Variants in GPR26 observed in about 807,000 individuals in gnomAD.
GPR26 encodes G protein-coupled receptor 26.
GPR26 carries 15 observed loss-of-function variants against 23.1 expected under a neutral mutation model. That is an observed-to-expected ratio of 0.65 (90% CI 0.43 to 1.00). The LOEUF (loss-of-function observed/expected upper bound fraction) is 1.00, where lower values mean the gene tolerates loss of function less well. Among genes scored for constraint, GPR26 ranks in the 50% least tolerant of loss-of-function variants. The pLI, the probability that GPR26 is intolerant of heterozygous loss-of-function variation, is 0.00. For missense variants in GPR26, 359 were observed against 470.5 expected (o/e 0.76, Z 2.19); for synonymous variants, 228 against 222.1 (o/e 1.03, Z -0.24).
At chr10:123,686,122 C>T (rs1034535121) in intron 2 of GPR26, among the ~76,000 whole-genome samples, 2 of 152,146 alleles carry the variant, frequency 1.3e-5, no homozygotes, top group Non-Finnish European at 2.9e-5. Flanking sequence ...CAATTTTGAT[C>T]TTGCTGGATG....
chr10:123,666,385 A>G lies in GPR26; in HGVS notation c.-23A>G, dbSNP rs1845182152. On this transcript the variant is annotated 5_prime_UTR_variant, in exon 1 of 3. The change abolishes the stop of an existing upstream ORF in the 5' untranslated region. Coordinates refer to ENST00000284674, the MANE Select transcript of GPR26 (RefSeq NM_153442.4). ...TGGCGGCGCCGGGTTGCGGACCCTGAGCGCCGGCGCGGGGCGCGCACCATG... is the reference window on the plus strand; with the variant it reads ...TGGCGGCGCCGGGTTGCGGACCCTGGGCGCCGGCGCGGGGCGCGCACCATG... 7.4e-7 allele frequency: 1 copy of G among 1,351,420 alleles called. No homozygotes were observed. Among genetic ancestry groups the G allele is most frequent in the Non-Finnish European group, 9.4e-7 (1 of 1,058,616 alleles). 83.7% of individuals were successfully genotyped at this position (1,351,420 alleles called of 1,614,324 possible). A position where few individuals can be genotyped will look rare whatever the true frequency, so the allele number is the denominator to read the frequency against.
chr10:123,669,274 C>T (rs1412299977), intron 1 of GPR26, among the ~76,000 whole-genome samples: 1 of 152,224 alleles, frequency 6.6e-6, no homozygotes, highest in African/African-American at 2.4e-5. Flanking sequence ...TGAATACAAA[C>T]TTGTCCTTCT....
In GPR26 at chr10:123,666,452, G is replaced by C; in HGVS notation, c.45G>C (p.Thr15=). 6.5e-7 allele frequency: 1 copy of C among 1,547,556 alleles called. No individual in the cohort carries two copies. Residue 15 remains threonine, a synonymous_variant, in exon 1 of 3, where the codon ACG becomes ACC. Transcript: ENST00000284674. ...GCCTGGCGGGGCTACTGGTGGGCAC[G>C]ATGGGCGTCTCGCTGCTGTCCAACG... ...DAGLAGLLVG[T]MGVSLLSNAL... is the part of the protein sequence containing the mutation.
At chr10:123,682,303 G>A (rs1845386412) in intron 2 of GPR26, among the ~76,000 whole-genome samples, 2 of 152,168 alleles carry the variant, frequency 1.3e-5, no homozygotes, top group Admixed American at 1.3e-4. Flanking sequence ...GGTAGCCAGA[G>A]CCACTGGCAG....
At chr10:123,686,559 A>G (rs529744955) in intron 2 of GPR26, among the ~76,000 whole-genome samples, 1 of 148,620 alleles carries the variant, frequency 6.7e-6, no homozygotes, top group East Asian at 1.9e-4. Context: ...TCTGTGGAGA[A>G]TCACACTCCA....
rs767034256 is a variant in GPR26, at chr10:123,666,827, C to A, written c.420C>A (p.Ala140=). The A allele has an allele frequency of 6.2e-7, 1 of 1,609,312 alleles. No individual in the cohort carries two copies. The highest frequency in any genetic ancestry group is 1.3e-5 in the African/African-American group (1 of 74,986). ...TGCACGCGCTCACCTTCCCAGCCGC[C>A]GCGCTCGCCCTGTCCTGGCTCGGCT... ...TWLHALTFPA[A]ALALSWLGFH... Residue 140 remains alanine (A), a synonymous_variant, in exon 1 of 3, where the codon GCC becomes GCA. Coordinates refer to ENST00000284674, the MANE Select transcript of GPR26 (RefSeq NM_153442.4).
chr10:123,687,966 C>A lies in GPR26; in HGVS notation c.820C>A (p.His274Asn). 6.2e-7 allele frequency: 1 copy of A among 1,613,864 alleles called. No individual in the cohort carries two copies. The highest frequency in any genetic ancestry group is 8.5e-7 in the Non-Finnish European group (1 of 1,179,846). ...ELFSTVPIGS[H>N]WGVLSKCLAY... is the part of the protein sequence containing the mutation. ...CTTCTCCACGGTGCCCATCGGCTCC[C>A]ACTGGGGGGTGCTGTCCAAGTGCTT... Residue 274 changes from histidine (H) to asparagine (N), a missense_variant, in exon 3 of 3, where the codon CAC becomes AAC. Transcript: ENST00000284674.
Position 123,674,633 on chromosome 10 carries a change from A to G in GPR26, c.669-185A>G, listed in dbSNP as rs539855665. Among the ~76,000 whole-genome samples the G allele has an allele frequency of 6.6e-6, 1 of 152,302 alleles. No individual in the cohort carries two copies. ...TATTATTTTACACAGGAGGACCTTGAGGCTTAGTAATGTCACACTGCTTGC... is the reference window on the plus strand; with the variant it reads ...TATTATTTTACACAGGAGGACCTTGGGGCTTAGTAATGTCACACTGCTTGC... On this transcript the variant is annotated intron_variant, in intron 1 of 2. Transcript: ENST00000284674. The surrounding 1 kb of genome is among the most constrained non-coding windows in gnomAD (Gnocchi z 4.1).
intron 2 of GPR26, among the ~76,000 whole-genome samples, chr10:123,683,107 G>T (rs2133929602): frequency 6.6e-6 from 1 of 151,972 alleles, no homozygotes; most frequent in East Asian, 1.9e-4. Context: ...GGTATAGAAG[G>T]TGTAAATAAA....
rs1033691368 is a variant in GPR26, at chr10:123,697,341, T to C, written c.*9181T>C. Among the ~76,000 whole-genome samples, 2 of 150,712 alleles carry C rather than the reference T, an allele frequency of 1.3e-5. No homozygotes were observed. The highest frequency in any genetic ancestry group is 1.5e-5 in the Non-Finnish European group (1 of 67,382). On this transcript the variant is annotated 3_prime_UTR_variant, in exon 3 of 3. Coordinates refer to ENST00000284674, the MANE Select transcript of GPR26 (RefSeq NM_153442.4). The stretch of plus-strand genomic sequence containing the variant: ...TATATTTTTATGATAGAATTGATGG[T>C]TAATACAGGGAAAAAGTATATATTG...
intron 1 of GPR26, among the ~76,000 whole-genome samples, chr10:123,668,487 C>A (rs975431690): frequency 2.0e-5 from 3 of 152,218 alleles, no homozygotes; most frequent in Non-Finnish European, 4.4e-5. Context: ...CATGTGTTCA[C>A]ACATAAACTG....
rs533467878 is a variant in GPR26 at position 123,695,933 on chromosome 10, G to A, written c.*7773G>A. On this transcript the variant is annotated 3_prime_UTR_variant, in exon 3 of 3. Coordinates refer to ENST00000284674, the MANE Select transcript of GPR26 (RefSeq NM_153442.4). ...CATCAGGATTTCCCCAGGGGAAAATGGCTAACTCTGGATCACAAACAGCAC... is the reference window on the plus strand; with the variant it reads ...CATCAGGATTTCCCCAGGGGAAAATAGCTAACTCTGGATCACAAACAGCAC... 4.6e-5 allele frequency among the ~76,000 whole-genome samples: 7 copies of A among 152,144 alleles called. No individual in the cohort carries two copies. Among genetic ancestry groups the A allele is most frequent in the African/African-American group, 1.7e-4 (7 of 41,418 alleles).
chr10:123,673,436 T>G (rs546289656), intron 1 of GPR26, among the ~76,000 whole-genome samples: 2 of 152,324 alleles, frequency 1.3e-5, no homozygotes, highest in African/African-American at 4.8e-5. Flanking sequence ...CAGCTCAGGC[T>G]TGGCACTGCC....
At chr10:123,681,038 C>A (rs1320214269) in intron 2 of GPR26, among the ~76,000 whole-genome samples, 1 of 152,076 alleles carries the variant, frequency 6.6e-6, no homozygotes, top group Admixed American at 6.6e-5. Flanking sequence ...GGGGTTTCAC[C>A]ATGTTGGCCA....
At chr10:123,667,445 G>T (rs1845199745) in intron 1 of GPR26, among the ~76,000 whole-genome samples, 1 of 152,150 alleles carries the variant, frequency 6.6e-6, no homozygotes, top group Non-Finnish European at 1.5e-5. Context: ...GTTTGATTCT[G>T]GCCGAGAGGG....
In GPR26 at chr10:123,688,079, G is replaced by A; in HGVS notation, c.933G>A (p.Arg311=). ...AAAGCTGCAAGGAGATTCTGAACAG[G>A]CTCCTGCACAGACGCTCCATCCACT... The part of the protein sequence containing the change: ...YRKSCKEILN[R]LLHRRSIHSS... The change falls in exon 3 of 3, where the codon AGG becomes AGA. Residue 311 remains arginine (R), a synonymous_variant. Coordinates refer to ENST00000284674, the MANE Select transcript of GPR26 (RefSeq NM_153442.4). The A allele has an allele frequency of 6.2e-7, 1 of 1,613,952 alleles. No individual in the cohort carries two copies. The highest frequency in any genetic ancestry group is 1.3e-5 in the African/African-American group (1 of 75,040).
rs192514130 is a variant in GPR26, at chr10:123,688,636, C to T, written c.*476C>T. On this transcript the variant is annotated 3_prime_UTR_variant, in exon 3 of 3. Coordinates refer to ENST00000284674, the MANE Select transcript of GPR26 (RefSeq NM_153442.4). ...TTGGCCCGGATCTAACATGGCACCT[C>T]GTCTCCACAGGGTAGTGGTGGCTGC... 155 of 171,414 alleles carry T rather than the reference C, an allele frequency of 9.0e-4. 1 individual carries two copies. The highest frequency in any genetic ancestry group is 3.4e-3 in the African/African-American group (143 of 42,162). The allele number at this position is 171,414 out of a possible 1,614,324, so 10.6% of individuals were successfully genotyped here.
At chr10:123,676,772 G>C (rs1328614818) in intron 2 of GPR26, among the ~76,000 whole-genome samples, 3 of 152,164 alleles carry the variant, frequency 2.0e-5, no homozygotes, top group African/African-American at 7.2e-5. Context: ...CCAAACCTCA[G>C]CTCCCCCACA....
At chr10:123,675,798 C>CTCTGTGTG (rs141688113) in intron 2 of GPR26, among the ~76,000 whole-genome samples, 2 of 142,632 alleles carry the variant, frequency 1.4e-5, no homozygotes, top group Non-Finnish European at 3.1e-5. Context: ...GCAGGGTTTT[C>CTCTGTGTG]TGTGTGTGTG....
Sources: allele counts gnomAD v4.1 joint callset (sites outside exome capture counted in the v4.1 genomes callset), GRCh38; gene constraint gnomAD v4.1.1; non-coding constraint Gnocchi (gnomAD v3.1); transcripts MANE v1.5; gene names NCBI Gene and HGNC (gene_info 2026-07-23, HGNC 2026-07-21).